Variants in KATNIP observed in about 807,000 individuals in gnomAD.
KATNIP encodes the protein katanin interacting protein.
In KATNIP, 126 loss-of-function variants were observed where a neutral mutation model predicts 174.0. That is an observed-to-expected ratio of 0.72 (90% confidence interval 0.63 to 0.84). KATNIP has a LOEUF of 0.84. Among genes scored for constraint, KATNIP ranks in the 40% least tolerant of loss-of-function variants. KATNIP has a pLI of 0.00. For missense variants in KATNIP, 1,958 were observed against 2,109.7 expected, an observed-to-expected ratio of 0.93 and a Z score of 1.41; for synonymous variants, 810 against 835.7, an observed-to-expected ratio of 0.97 and a Z score of 0.53.
At chr16:27,704,122 G>GCCCCCCCCC (rs535809357) in intron 12 of KATNIP, 124 bp downstream of exon 12, 7 of 662,456 alleles carry the variant, frequency 1.1e-5, no homozygotes, top group African/African-American at 5.5e-5. Context: ...TGTTTCCACC[G>GCCCCCCCCC]CCCCCCCCCT....
Position 27,698,444 on chromosome 16 carries a change from GC to G in KATNIP, c.1060del (p.Leu354CysfsTer82), listed in dbSNP as rs1433750768. On this transcript the variant is annotated frameshift_variant, in exon 9 of 28. Coordinates refer to ENST00000261588, the MANE Select transcript of KATNIP (RefSeq NM_015202.5). LOFTEE classifies it high-confidence loss of function. Reference sequence around the variant, plus strand: ...CCAAGCCATCCAGGTGGAGAACGCAGCCCTGCAGAGGGCGCTCCTCAGCAGA... The same window carrying G: ...CCAAGCCATCCAGGTGGAGAACGCAGCCTGCAGAGGGCGCTCCTCAGCAGA... Reference protein sequence around the residue: ...VLQAIQVENAALQRALLSRKA... With the variant: ...VLQAIQVENAXLQRALLSRKA... The G allele has an allele frequency of 1.2e-6, 2 of 1,613,380 alleles. No homozygotes were observed. The highest frequency in any genetic ancestry group is 1.7e-6 in the Non-Finnish European group (2 of 1,179,726).
intron 13 of KATNIP, among the ~76,000 whole-genome samples, chr16:27,711,143 G>A (rs1178231193): frequency 1.3e-5 from 2 of 152,206 alleles, no homozygotes; most frequent in Non-Finnish European, 2.9e-5. Context: ...CAGGCCAGGA[G>A]AGGATGGGCC....
intron 21 of KATNIP, among the ~76,000 whole-genome samples, chr16:27,771,167 G>A (rs2144192137): frequency 6.6e-6 from 1 of 152,228 alleles, no homozygotes; most frequent in Admixed American, 6.5e-5. Flanking sequence ...ACATAGAGGG[G>A]GTTGGTTAAG....
chr16:27,614,374 T>G (rs2075982742), intron 2 of KATNIP, among the ~76,000 whole-genome samples: 1 of 152,176 alleles, frequency 6.6e-6, no homozygotes. Context: ...TTGTCCAGGC[T>G]GGTCTTGAAC....
intron 1 of KATNIP, among the ~76,000 whole-genome samples, chr16:27,554,038 G>A (rs887076937): frequency 6.6e-6 from 1 of 151,368 alleles, no homozygotes; most frequent in African/African-American, 2.4e-5. Context: ...GAGAAAGGAA[G>A]GAGGAAAGAA....
chr16:27,567,505 GT>G (rs1326102151), intron 1 of KATNIP, among the ~76,000 whole-genome samples: 2 of 151,408 alleles, frequency 1.3e-5, no homozygotes, highest in African/African-American at 4.9e-5. Context: ...ACACCCTTGT[GT>G]TTTTTTTCTG....
intron 2 of KATNIP, among the ~76,000 whole-genome samples, chr16:27,588,306 AT>A (rs1245811466): frequency 2.0e-5 from 3 of 152,076 alleles, no homozygotes; most frequent in Non-Finnish European, 4.4e-5. Flanking sequence ...GGTATAACTT[AT>A]GTGCAATAAA....
intron 13 of KATNIP, among the ~76,000 whole-genome samples, chr16:27,710,237 G>A (rs2079512472): frequency 6.6e-6 from 1 of 152,080 alleles, no homozygotes; most frequent in South Asian, 2.1e-4. Flanking sequence ...GCACACACCT[G>A]TAGTCCCACC....
intron 1 of KATNIP, among the ~76,000 whole-genome samples, chr16:27,554,112 A>G (rs2089510141): frequency 6.6e-6 from 1 of 152,168 alleles, no homozygotes; most frequent in Admixed American, 6.6e-5. Flanking sequence ...TTGTGGTAAC[A>G]TTGCCTTGAT....
chr16:27,775,167 C>A, intron 24 of KATNIP, 83 bp downstream of exon 24: 1 of 1,493,792 alleles, frequency 6.7e-7, no homozygotes, highest in Admixed American at 2.1e-5. Flanking sequence ...AGTGACACGT[C>A]TTTCTTCCAG....
chr16:27,630,773 G>A (rs148379791), intron 4 of KATNIP, among the ~76,000 whole-genome samples: 12 of 152,298 alleles, frequency 7.9e-5, no homozygotes, highest in Non-Finnish European at 1.8e-4. Context: ...TGTCTCTGTA[G>A]CTTAGAGACT....
At chr16:27,650,402 T>C (rs1395718359) in intron 6 of KATNIP, among the ~76,000 whole-genome samples, 1 of 152,166 alleles carries the variant, frequency 6.6e-6, no homozygotes, top group African/African-American at 2.4e-5. Flanking sequence ...AGGGCATTAT[T>C]TTTATAAATA....
At chr16:27,556,667 G>A (rs2089641076) in intron 1 of KATNIP, among the ~76,000 whole-genome samples, 1 of 152,166 alleles carries the variant, frequency 6.6e-6, no homozygotes, top group Non-Finnish European at 1.5e-5. Context: ...GTTGAATTAG[G>A]AAGGTTTTGC....
At chr16:27,646,419 A>T (rs1278892324) in intron 5 of KATNIP, among the ~76,000 whole-genome samples, 4 of 152,172 alleles carry the variant, frequency 2.6e-5, no homozygotes, top group Admixed American at 6.5e-5. Flanking sequence ...CTGGCTGGCC[A>T]TAGCATGTTA....
Position 27,740,223 on chromosome 16 carries a change from C to T in KATNIP, c.1926C>T (p.Gly642=). 2 of 1,614,248 alleles carry T rather than the reference C, an allele frequency of 1.2e-6. No individual in the cohort carries two copies. Among genetic ancestry groups the T allele is most frequent in the Non-Finnish European group, 1.7e-6 (2 of 1,180,042 alleles). Residue 642 remains glycine, a synonymous_variant, in exon 15 of 28, where the codon GGC becomes GGT. Transcript: ENST00000261588. The stretch of plus-strand genomic sequence containing the variant: ...ACGCTCACTCGGAAGAAAGCAAAGG[C>T]ACCCATGAGATGGCTGGTGCCAGCG... ...AMNAHSEESK[G]THEMAGASGD... is the part of the protein sequence containing the mutation.
chr16:27,552,452 GCAA>G (rs2089423693), intron 1 of KATNIP, among the ~76,000 whole-genome samples: 1 of 148,464 alleles, frequency 6.7e-6, no homozygotes, highest in Non-Finnish European at 1.5e-5. Context: ...TCAGCTCACT[GCAA>G]CCTCTGCCTG....
chr16:27,665,164 T>G (rs2077640444), intron 6 of KATNIP, among the ~76,000 whole-genome samples: 1 of 151,480 alleles, frequency 6.6e-6, no homozygotes, highest in Admixed American at 6.6e-5. Context: ...TCTCACTCTG[T>G]CACCCAGGTT....
chr16:27,642,696 G>A (rs2076836720), intron 5 of KATNIP, among the ~76,000 whole-genome samples: 1 of 152,116 alleles, frequency 6.6e-6, no homozygotes, highest in Non-Finnish European at 1.5e-5. Context: ...TGGGACACCA[G>A]GGAAGTTCTC....
intron 2 of KATNIP, among the ~76,000 whole-genome samples, chr16:27,583,412 G>T (rs1219828433): frequency 2.6e-5 from 4 of 152,300 alleles, no homozygotes; most frequent in Admixed American, 2.6e-4. Context: ...AGAAGTCACT[G>T]TATGGAATAT....
Sources: gnomAD v4.1 joint callset for allele counts (sites outside exome capture counted in the v4.1 genomes callset) on GRCh38, gnomAD v4.1.1 for gene constraint, MANE v1.5 for transcripts, NCBI Gene and HGNC (gene_info 2026-07-23, HGNC 2026-07-21) for gene names.